COLEC12: variants seen among roughly 807,000 people sequenced by gnomAD.
COLEC12 encodes the protein collectin-12.
Under a neutral mutation model 71.1 loss-of-function variants are expected in COLEC12, and 33 were observed. That is an observed-to-expected ratio of 0.46 (90% CI 0.35 to 0.62). The LOEUF is 0.62. Ranked by LOEUF, COLEC12 falls within the 20% of genes least tolerant of loss-of-function variation. The probability of loss-of-function intolerance (pLI) is 0.00; values close to 1 mark genes in which losing one functional copy is unlikely to be tolerated. For missense variants in COLEC12, 765 were observed against 916.1 expected (o/e 0.84, Z 2.13); for synonymous variants, 350 against 353.0 (o/e 0.99, Z 0.10).
chr18:321,943 C>A, intron 8 of COLEC12, 136 bp from the exon 9 acceptor site: 1 of 823,144 alleles, frequency 1.2e-6, no homozygotes, highest in South Asian at 1.7e-5. Flanking sequence ...GTTTAAAAAT[C>A]AGTACATGCT....
intron 1 of COLEC12, among the ~76,000 whole-genome samples, chr18:487,495 A>C (rs907496634): frequency 6.6e-6 from 1 of 152,328 alleles, no homozygotes; most frequent in Middle Eastern, 3.4e-3. Context: ...AAGGAGTTGG[A>C]GCTGCCCACC....
chr18:457,240 G>A (rs911862024), intron 2 of COLEC12, among the ~76,000 whole-genome samples: 4 of 152,154 alleles, frequency 2.6e-5, no homozygotes, highest in Non-Finnish European at 5.9e-5. Context: ...AAATGGGAAC[G>A]GAGCCCCCTA....
intron 5 of COLEC12, among the ~76,000 whole-genome samples, chr18:345,542 G>C (rs935391592): frequency 1.3e-5 from 2 of 152,098 alleles, no homozygotes; most frequent in African/African-American, 4.8e-5. Flanking sequence ...AAGACACATC[G>C]TTTCCTTCCT....
intron 2 of COLEC12, among the ~76,000 whole-genome samples, chr18:406,599 T>G (rs1915795420): frequency 6.6e-6 from 1 of 152,106 alleles, no homozygotes; most frequent in Admixed American, 6.5e-5. Flanking sequence ...TTTTATTCCT[T>G]TACTTTCCTA....
At chr18:457,938 A>G (rs1285529516) in intron 2 of COLEC12, among the ~76,000 whole-genome samples, 4 of 152,200 alleles carry the variant, frequency 2.6e-5, no homozygotes, top group Admixed American at 6.5e-5. Flanking sequence ...GCAGAATTGG[A>G]AATTTATATA....
At chr18:393,009 T>C (rs1027861103) in intron 2 of COLEC12, among the ~76,000 whole-genome samples, 6 of 152,224 alleles carry the variant, frequency 3.9e-5, no homozygotes, top group African/African-American at 1.4e-4. Flanking sequence ...ATAATATTCA[T>C]GGATGATTGC....
At chr18:441,423 T>C (rs917300454) in intron 2 of COLEC12, among the ~76,000 whole-genome samples, 3 of 152,132 alleles carry the variant, frequency 2.0e-5, no homozygotes, top group Admixed American at 6.5e-5. Context: ...AATCATTTAG[T>C]GCTCTTTCAA....
chr18:432,172 C>T (rs891072328), intron 2 of COLEC12, among the ~76,000 whole-genome samples: 3 of 152,172 alleles, frequency 2.0e-5, no homozygotes, highest in East Asian at 1.9e-4. Context: ...CATTCACCAC[C>T]TTCATTAATT....
At chr18:401,126 T>C (rs551635940) in intron 2 of COLEC12, among the ~76,000 whole-genome samples, 8 of 152,230 alleles carry the variant, frequency 5.3e-5, no homozygotes, top group Non-Finnish European at 1.0e-4. Flanking sequence ...GAGTGGAAGG[T>C]AGACTTTGTC....
At chr18:484,961 T>C (rs979611657) in intron 1 of COLEC12, among the ~76,000 whole-genome samples, 2 of 152,170 alleles carry the variant, frequency 1.3e-5, no homozygotes, top group African/African-American at 4.8e-5. Flanking sequence ...GTTGTGGAGA[T>C]GATTTACATC....
In COLEC12 at chr18:497,415, T is replaced by C. The variant is rs866151817; in HGVS notation, c.7+3093A>G. Among the ~76,000 whole-genome samples, 619 of 144,124 alleles carry C rather than the reference T, an allele frequency of 4.3e-3. 2 individuals are homozygous for C. The highest frequency in any genetic ancestry group is 0.016 in the African/African-American group (596 of 37,972). The allele number at this position is 144,124 out of a possible 152,430, so 94.6% of individuals were successfully genotyped here. On this transcript the variant is annotated intron_variant, in intron 1 of 9. Transcript: ENST00000400256. ...GTGTGTGTGTGTGTGTGTGTGTGTG[T>C]GTGTGTTTGAGAGAGTCTTGCTTCT...
chr18:400,059 C>A (rs931321432), intron 2 of COLEC12, among the ~76,000 whole-genome samples: 1 of 152,120 alleles, frequency 6.6e-6, no homozygotes, highest in African/African-American at 2.4e-5. Flanking sequence ...ATGGTTAACC[C>A]TTTCATCTCC....
At chr18:332,911 T>A (rs1914016378) in intron 7 of COLEC12, 96 bp downstream of exon 7, 9 of 1,133,748 alleles carry the variant, frequency 7.9e-6, no homozygotes, top group Non-Finnish European at 1.1e-5. Context: ...GACTAGGAAT[T>A]CGTGATATCT....
intron 2 of COLEC12, among the ~76,000 whole-genome samples, chr18:397,448 T>C (rs1181790726): frequency 1.3e-5 from 2 of 152,244 alleles, no homozygotes; most frequent in Non-Finnish European, 2.9e-5. Flanking sequence ...ATTATAGATG[T>C]AGATTTTTCA....
At position 331,780 on chromosome 18, in the gene COLEC12, G is replaced by A. The variant is rs369915719; in HGVS notation, c.1954-3C>T. ...ACCATCTGTTTTTTTATCCATTGCT[G>A]AAAAACAAAGCAGGGGTGGTGCGTG... On this transcript the variant is annotated splice_polypyrimidine_tract_variant and splice_region_variant and intron_variant, in intron 7 of 9. Coordinates refer to ENST00000400256, the MANE Select transcript of COLEC12 (RefSeq NM_130386.3). The A allele has an allele frequency of 3.0e-5, 47 of 1,588,824 alleles. No individual in the cohort carries two copies. Among genetic ancestry groups the A allele is most frequent in the Non-Finnish European group, 3.8e-5 (44 of 1,156,922 alleles).
intron 2 of COLEC12, among the ~76,000 whole-genome samples, chr18:386,143 G>C (rs1282512943): frequency 6.6e-6 from 1 of 152,126 alleles, no homozygotes; most frequent in Non-Finnish European, 1.5e-5. Flanking sequence ...TTGAGGGATG[G>C]TGCCTTCAGG....
intron 2 of COLEC12, among the ~76,000 whole-genome samples, chr18:430,833 CA>C (rs1327535686): frequency 6.6e-6 from 1 of 151,938 alleles, no homozygotes; most frequent in African/African-American, 2.4e-5. Flanking sequence ...ATTTCCTAAA[CA>C]AATATATTTT....
chr18:340,590 C>A (rs188376314), intron 5 of COLEC12, among the ~76,000 whole-genome samples: 2 of 152,314 alleles, frequency 1.3e-5, no homozygotes, highest in South Asian at 2.1e-4. Context: ...TCCAACAAAA[C>A]TCCCGGTGCT....
chr18:477,581 T>C (rs993801415), intron 2 of COLEC12, among the ~76,000 whole-genome samples: 9 of 152,158 alleles, frequency 5.9e-5, no homozygotes, highest in African/African-American at 2.2e-4. Flanking sequence ...CACACTTTGA[T>C]ATTCTGCAGT....
Sources: allele counts gnomAD v4.1 joint callset (sites outside exome capture counted in the v4.1 genomes callset), GRCh38; gene constraint gnomAD v4.1.1; transcripts MANE v1.5; gene names NCBI Gene and HGNC (gene_info 2026-07-23, HGNC 2026-07-21).